The following SLC44A5 variants were observed in gnomAD, a reference collection of about 807,000 sequenced individuals.
SLC44A5 encodes solute carrier family 44 member 5.
SLC44A5 carries 57 observed loss-of-function variants against 101.8 expected under a neutral mutation model. That is an observed-to-expected ratio of 0.56 (90% confidence interval 0.45 to 0.70). The LOEUF (loss-of-function observed/expected upper bound fraction) is 0.70, where lower values mean the gene tolerates loss of function less well. SLC44A5 is among the 30% of genes least tolerant of loss of function. The pLI is 0.00. For synonymous variants in SLC44A5, 281 were observed against 290.9 expected (o/e 0.97, Z 0.35); for missense variants, 737 against 853.1 (o/e 0.86, Z 1.70).
the SLC44A5 span, among the ~76,000 whole-genome samples, chr1:75,673,130 A>G: frequency 6.6e-6 from 1 of 152,158 alleles, no homozygotes; most frequent in Non-Finnish European, 1.5e-5. Flanking sequence ...ACAGTGGGGT[A>G]GAGCACCAAC....
chr1:75,700,529 C>G, the SLC44A5 span, among the ~76,000 whole-genome samples: 1 of 152,140 alleles, frequency 6.6e-6, no homozygotes, highest in African/African-American at 2.4e-5. Context: ...AAATTTATAG[C>G]ACTAAATGCC....
intron 7 of SLC44A5, among the ~76,000 whole-genome samples, chr1:75,247,226 G>A (rs1649183371): frequency 6.6e-6 from 1 of 152,020 alleles, no homozygotes; most frequent in African/African-American, 2.4e-5. Flanking sequence ...ATTTTGGAGG[G>A]AGACCTAAGG....
At chr1:75,412,854 C>T (rs1015121120) in intron 2 of SLC44A5, among the ~76,000 whole-genome samples, 5 of 152,172 alleles carry the variant, frequency 3.3e-5, no homozygotes, top group African/African-American at 9.7e-5. Context: ...TCATCATCTG[C>T]TCCTGACATC....
chr1:75,242,991 TG>T lies in SLC44A5; in HGVS notation c.365del (p.Pro122GlnfsTer5). ...TTTCCACATAGGTTAAAAATTTTTC[TG>T]GGCACTTGGAGACACAGATCTGTGA... is the stretch of plus-strand genomic sequence containing the variant. ...PTTQICVSKC[P>X]EKFLTYVEMQ... On this transcript the variant is annotated frameshift_variant, in exon 8 of 24. Coordinates refer to ENST00000370859, the MANE Select transcript of SLC44A5 (RefSeq NM_001130058.2). LOFTEE classifies it high-confidence loss of function. 1 of 1,612,244 alleles carries T rather than the reference TG, an allele frequency of 6.2e-7. No individual in the cohort carries two copies. The highest frequency in any genetic ancestry group is 8.5e-7 in the Non-Finnish European group (1 of 1,179,074).
the SLC44A5 span, chr1:75,641,910 T>C: frequency 6.2e-7 from 1 of 1,604,106 alleles, no homozygotes; most frequent in African/African-American, 1.3e-5. Context: ...ATTTCCTTCA[T>C]TGGTTTGGAT....
intron 1 of SLC44A5, among the ~76,000 whole-genome samples, chr1:75,570,778 T>A (rs756374753): frequency 3.9e-5 from 6 of 152,132 alleles, no homozygotes; most frequent in Non-Finnish European, 8.8e-5. Context: ...AACCAGGCAC[T>A]TAACACTGAA....
intron 3 of SLC44A5, 32 bp from the exon 4 acceptor site, chr1:75,339,662 T>G: frequency 6.4e-7 from 1 of 1,569,054 alleles, no homozygotes; most frequent in South Asian, 1.2e-5. Flanking sequence ...TTTAAGCATA[T>G]AAGCCAGCAA....
At chr1:75,530,372 T>C (rs1303049189) in intron 2 of SLC44A5, among the ~76,000 whole-genome samples, 1 of 152,136 alleles carries the variant, frequency 6.6e-6, no homozygotes, top group Non-Finnish European at 1.5e-5. Context: ...ACCCAAACTA[T>C]TGGTAATTTA....
the SLC44A5 span, among the ~76,000 whole-genome samples, chr1:75,651,835 A>C: frequency 2.7e-3 from 412 of 151,672 alleles, 4 homozygotes; most frequent in African/African-American, 9.5e-3. Flanking sequence ...GAGAGGCCCC[A>C]CACACACACA....
chr1:75,452,767 TTAAAC>T (rs1271437754), intron 2 of SLC44A5, among the ~76,000 whole-genome samples: 7 of 151,946 alleles, frequency 4.6e-5, no homozygotes, highest in Admixed American at 2.0e-4. Context: ...AAAACAGACT[TTAAAC>T]TAGCAACAAA....
the SLC44A5 span, among the ~76,000 whole-genome samples, chr1:75,627,522 AT>A: frequency 2.0e-5 from 3 of 151,422 alleles, no homozygotes; most frequent in Non-Finnish European, 4.4e-5. Context: ...GTACAAAAAA[AT>A]TTTTTTTTAA....
intron 4 of SLC44A5, among the ~76,000 whole-genome samples, chr1:75,330,079 C>A (rs1656901742): frequency 1.3e-5 from 2 of 150,232 alleles, no homozygotes; most frequent in Non-Finnish European, 3.0e-5. Context: ...GAATAATATT[C>A]TGTGTGGCAA....
In SLC44A5 at chr1:75,217,908, T is replaced by C; in HGVS notation, c.1582A>G (p.Met528Val). Residue 528 changes from methionine to valine, a missense_variant, in exon 18 of 24, where the codon ATG becomes GTG. Around this residue, in one of 3 missense-constraint regions of SLC44A5, gnomAD observed 665 missense variants for 764.4 expected, o/e 0.87. Coordinates refer to ENST00000370859, the MANE Select transcript of SLC44A5 (RefSeq NM_001130058.2). ...FGSLIIALIQ[M>V]FKIVLEYLDH... ...AAGTATTCTAGTACAATTTTAAACA[T>C]TTGAATTAATGCAATAATTAAAGAT... is the stretch of plus-strand genomic sequence containing the variant. 1 of 1,605,848 alleles carries C rather than the reference T, an allele frequency of 6.2e-7. No homozygotes were observed. The highest frequency in any genetic ancestry group is 8.5e-7 in the Non-Finnish European group (1 of 1,172,824).
intron 4 of SLC44A5, among the ~76,000 whole-genome samples, chr1:75,318,226 C>T (rs1210096023): frequency 1.3e-5 from 2 of 151,890 alleles, no homozygotes; most frequent in Non-Finnish European, 2.9e-5. Context: ...CAAATAAAAA[C>T]ATTAGTCACA....
chr1:75,418,508 T>A (rs929456597), intron 2 of SLC44A5, among the ~76,000 whole-genome samples: 1 of 152,128 alleles, frequency 6.6e-6, no homozygotes, highest in Non-Finnish European at 1.5e-5. Context: ...CAAGCCTATG[T>A]CTAAAAGATG....
At chr1:75,388,251 A>AT (rs1480259594) in intron 3 of SLC44A5, among the ~76,000 whole-genome samples, 2 of 150,692 alleles carry the variant, frequency 1.3e-5, no homozygotes, top group Non-Finnish European at 3.0e-5. Context: ...AAAAAACAGT[A>AT]TTAAAAAAAA....
intron 2 of SLC44A5, among the ~76,000 whole-genome samples, chr1:75,469,523 AG>A (rs1257864349): frequency 8.5e-5 from 13 of 152,288 alleles, no homozygotes; most frequent in African/African-American, 3.1e-4. Context: ...TTCTGAAACC[AG>A]TGTGTGTAGA....
intron 1 of SLC44A5, among the ~76,000 whole-genome samples, chr1:75,545,365 A>G (rs1159263065): frequency 2.0e-5 from 3 of 152,208 alleles, no homozygotes; most frequent in Non-Finnish European, 2.9e-5. Context: ...TCCTTTGGGT[A>G]TATACCCAGT....
intron 1 of SLC44A5, among the ~76,000 whole-genome samples, chr1:75,569,929 T>G (rs537351044): frequency 1.3e-5 from 2 of 152,280 alleles, no homozygotes; most frequent in South Asian, 4.1e-4. Flanking sequence ...TGCAGGAGAT[T>G]CAATAAAGGG....
Sources: gnomAD v4.1 joint callset for allele counts (sites outside exome capture counted in the v4.1 genomes callset) on GRCh38, gnomAD v4.1.1 for gene constraint, gnomAD v4.1.1 regional missense constraint, MANE v1.5 for transcripts, NCBI Gene and HGNC (gene_info 2026-07-23, HGNC 2026-07-21) for gene names.